Variants in SLC5A4 observed in about 807,000 individuals in gnomAD.
SLC5A4 encodes the protein probable glucose sensor protein SLC5A4.
Under a neutral mutation model 70.3 loss-of-function variants are expected in SLC5A4, and 55 were observed. The ratio of observed to expected loss-of-function variants is 0.78; its 90% CI spans 0.63 to 0.98. The LOEUF is 0.98. Among genes scored for constraint, SLC5A4 ranks in the 50% least tolerant of loss-of-function variants. The pLI, the probability that SLC5A4 is intolerant of heterozygous loss-of-function variation, is 0.00. For missense variants in SLC5A4, 735 were observed against 839.2 expected (o/e 0.88, Z 1.53); for synonymous variants, 268 against 305.7 (o/e 0.88, Z 1.29).
chr22:32,297,605 C>T, the SLC5A4 span, among the ~76,000 whole-genome samples: 4 of 111,574 alleles, frequency 3.6e-5, 2 homozygotes, highest in African/African-American at 1.3e-4. Context: ...AAAAAACCAA[C>T]TCCTGGATTC....
intron 11 of SLC5A4, among the ~76,000 whole-genome samples, chr22:32,228,012 A>G (rs1925504859): frequency 6.6e-6 from 1 of 152,148 alleles, no homozygotes; most frequent in Non-Finnish European, 1.5e-5. Flanking sequence ...TATTCTACTT[A>G]TGATAGCCTG....
chr22:32,227,485 CT>C (rs1925471846), intron 11 of SLC5A4, among the ~76,000 whole-genome samples: 2 of 152,198 alleles, frequency 1.3e-5, no homozygotes, highest in Non-Finnish European at 2.9e-5. Flanking sequence ...AAAGTACAGT[CT>C]TTTAAATAGT....
At chr22:32,219,833 A>T (rs911291967) in intron 14 of SLC5A4, among the ~76,000 whole-genome samples, 1 of 152,104 alleles carries the variant, frequency 6.6e-6, no homozygotes, top group Admixed American at 6.5e-5. Flanking sequence ...CTAGAGATTG[A>T]AAGGATAACA....
the SLC5A4 span, among the ~76,000 whole-genome samples, chr22:32,288,150 TAAG>T: frequency 1.3e-5 from 2 of 152,000 alleles, no homozygotes; most frequent in African/African-American, 4.8e-5. Context: ...GTGCCTAGCT[TAAG>T]AAGACCCTCA....
intron 2 of SLC5A4, among the ~76,000 whole-genome samples, chr22:32,252,963 A>G (rs1927259254): frequency 6.6e-6 from 1 of 152,182 alleles, no homozygotes; most frequent in Admixed American, 6.5e-5. Flanking sequence ...TTTTCTGCTC[A>G]GCTACATGGG....
Position 32,254,575 on chromosome 22 carries a change from C to T in SLC5A4, c.136-362G>A, listed in dbSNP as rs555091373. Reference sequence around the variant, plus strand: ...ATTCCAGCACTTTGGAGGGCCGAGGCGGGTGGATCACAAGGTCAAGAGATC... The same window carrying T: ...ATTCCAGCACTTTGGAGGGCCGAGGTGGGTGGATCACAAGGTCAAGAGATC... On this transcript the variant is annotated intron_variant, in intron 1 of 14. Coordinates refer to ENST00000266086, the MANE Select transcript of SLC5A4 (RefSeq NM_014227.3). 8.5e-5 allele frequency among the ~76,000 whole-genome samples: 13 copies of T among 152,132 alleles called. No homozygotes were observed. In the East Asian group the frequency reaches 1.4e-3, roughly 16 times the overall value.
At chr22:32,316,340 C>G in the SLC5A4 span, among the ~76,000 whole-genome samples, 2 of 151,980 alleles carry the variant, frequency 1.3e-5, no homozygotes, top group African/African-American at 4.8e-5. Context: ...TAATATCAGA[C>G]AAAGCTGAAG....
intron 11 of SLC5A4, among the ~76,000 whole-genome samples, chr22:32,228,343 C>A (rs1428669262): frequency 5.3e-5 from 8 of 152,008 alleles, no homozygotes; most frequent in African/African-American, 1.7e-4. Context: ...GAGTTTGAGA[C>A]CAGCCCGGCC....
At chr22:32,319,739 C>A in the SLC5A4 span, among the ~76,000 whole-genome samples, 1 of 152,196 alleles carries the variant, frequency 6.6e-6, no homozygotes, top group African/African-American at 2.4e-5. Flanking sequence ...GAGCCCTTGG[C>A]CACATGTTTA....
At chr22:32,295,503 T>C in the SLC5A4 span, among the ~76,000 whole-genome samples, 1 of 110,218 alleles carries the variant, frequency 9.1e-6, no homozygotes, top group Non-Finnish European at 2.0e-5. Context: ...CACTTTTTGA[T>C]GGGGTTTTTT....
the SLC5A4 span, among the ~76,000 whole-genome samples, chr22:32,352,500 G>T: frequency 1.3e-5 from 2 of 151,906 alleles, no homozygotes; most frequent in African/African-American, 2.4e-5. Flanking sequence ...ATAACATAAT[G>T]GTGCCACTCA....
the SLC5A4 span, among the ~76,000 whole-genome samples, chr22:32,311,363 G>A: frequency 6.6e-6 from 1 of 152,168 alleles, no homozygotes; most frequent in Non-Finnish European, 1.5e-5. Flanking sequence ...TATTAAGCAG[G>A]GCCTCCTGAG....
the SLC5A4 span, among the ~76,000 whole-genome samples, chr22:32,261,197 T>G: frequency 2.0e-5 from 3 of 152,166 alleles, no homozygotes; most frequent in Non-Finnish European, 4.4e-5. Flanking sequence ...GTTTGGTCAG[T>G]GGAGGGGTCA....
the SLC5A4 span, chr22:32,270,244 A>C: frequency 1.4e-6 from 1 of 705,254 alleles, no homozygotes; most frequent in South Asian, 1.5e-5. Flanking sequence ...CAATGCTGCC[A>C]TGGGTGAGCC....
chr22:32,330,919 G>T, the SLC5A4 span, among the ~76,000 whole-genome samples: 3 of 112,072 alleles, frequency 2.7e-5, no homozygotes, highest in South Asian at 3.2e-4. Flanking sequence ...GTGTGTGTTG[G>T]AGGCCTCTGG....
intron 12 of SLC5A4, 57 bp from the exon 13 acceptor site, chr22:32,224,539 A>C: frequency 2.9e-6 from 4 of 1,362,376 alleles, no homozygotes; most frequent in Non-Finnish European, 4.2e-6. Flanking sequence ...AAGCTTATTC[A>C]AGTAAGTCAT....
Position 32,239,554 on chromosome 22 carries a change from A to AAATATATATATATATATATATATATT in SLC5A4, c.478-465_478-464insAATATATATATATATATATATATATT. Among the ~76,000 whole-genome samples, 2 of 16,858 alleles carry AAATATATATATATATATATATATATT rather than the reference A, an allele frequency of 1.2e-4. 1 individual carries two copies. Among genetic ancestry groups the AAATATATATATATATATATATATATT allele is most frequent in the South Asian group, 2.8e-3 (2 of 706 alleles). The allele number at this position is 16,858 out of a possible 152,430, so 11.1% of individuals were successfully genotyped here. A position where few individuals can be genotyped will look rare whatever the true frequency, so the allele number is the denominator to read the frequency against. ...TATATATATATATATATATATATAT[A>AAATATATATATATATATATATATATT]TATATATATATATATTTATATATAT... On this transcript the variant is annotated intron_variant, in intron 5 of 14. Coordinates refer to ENST00000266086, the MANE Select transcript of SLC5A4 (RefSeq NM_014227.3).
chr22:32,330,979 G>GTA, the SLC5A4 span, among the ~76,000 whole-genome samples: 4 of 104,618 alleles, frequency 3.8e-5, no homozygotes, highest in Non-Finnish European at 4.2e-5. Context: ...GCACTGGTGT[G>GTA]TGTGTTGGGG....
chr22:32,286,559 T>C, the SLC5A4 span, among the ~76,000 whole-genome samples: 1 of 152,200 alleles, frequency 6.6e-6, no homozygotes, highest in African/African-American at 2.4e-5. Context: ...TAGCCTATCC[T>C]GTCCCGACTA....
Sources: gnomAD v4.1 joint callset for allele counts (sites outside exome capture counted in the v4.1 genomes callset) on GRCh38, gnomAD v4.1.1 for gene constraint, MANE v1.5 for transcripts, NCBI Gene and HGNC (gene_info 2026-07-23, HGNC 2026-07-21) for gene names.